The following APIP variants were observed in gnomAD, a reference collection of about 807,000 sequenced individuals.
APIP encodes the protein methylthioribulose-1-phosphate dehydratase.
APIP carries 32 observed loss-of-function variants against 32.0 expected under a neutral mutation model. That is an observed-to-expected ratio of 1.00 (90% confidence interval 0.76 to 1.34). The LOEUF is 1.34. Ranked by LOEUF, APIP falls within the 40% of genes most tolerant of loss-of-function variation. APIP has a pLI of 0.00. For missense variants in APIP, 247 were observed against 298.6 expected (o/e 0.83, Z 1.27); for synonymous variants, 92 against 94.8 (o/e 0.97, Z 0.17).
At chr11:34,893,991 A>G (rs1853224432) in intron 2 of APIP, among the ~76,000 whole-genome samples, 1 of 152,160 alleles carries the variant, frequency 6.6e-6, no homozygotes, top group Non-Finnish European at 1.5e-5. Flanking sequence ...TTAACACACA[A>G]CCTCCAGACA....
Position 34,911,852 on chromosome 11 carries a change from T to C in APIP, c.57+4376A>G, listed in dbSNP as rs78095482. ...CTCCCTCTATACTTGCAAAATACTT[T>C]GTCATCCCCTAATGGAACTTCATCC... On this transcript the variant is annotated intron_variant, in intron 1 of 6. Coordinates refer to ENST00000395787, the MANE Select transcript of APIP (RefSeq NM_015957.4). 3.1e-3 allele frequency among the ~76,000 whole-genome samples: 468 copies of C among 152,254 alleles called. 4 individuals carry two copies. The highest frequency in any genetic ancestry group is 0.011 in the African/African-American group (457 of 41,532).
intron 5 of APIP, among the ~76,000 whole-genome samples, chr11:34,886,043 A>C (rs1206519870): frequency 6.6e-6 from 1 of 151,542 alleles, no homozygotes; most frequent in Admixed American, 6.6e-5. Flanking sequence ...TTACTCTATA[A>C]TTTTAAAACA....
chr11:34,899,164 C>G (rs1193682356), intron 1 of APIP, among the ~76,000 whole-genome samples: 1 of 152,148 alleles, frequency 6.6e-6, no homozygotes, highest in African/African-American at 2.4e-5. Context: ...CCACTGAGCC[C>G]GGCCTCGAGC....
rs375311052 is a variant in APIP at position 34,882,676 on chromosome 11, G to T, written c.*41C>A. 79 of 1,371,226 alleles carry T rather than the reference G, an allele frequency of 5.8e-5. No homozygotes were observed. The Middle Eastern group carries it at 2.5e-3, about 44-fold the overall frequency. 84.9% of individuals were successfully genotyped at this position (1,371,226 alleles called of 1,614,324 possible). The stretch of plus-strand genomic sequence containing the variant: ...TAGCTTTCATTTAAATAATAATTAC[G>T]TTTAGCTTTATCTCTGTATATAATT... On this transcript the variant is annotated 3_prime_UTR_variant, in exon 7 of 7. Transcript: ENST00000395787.
At chr11:34,886,381 T>A (rs1249210249) in intron 5 of APIP, among the ~76,000 whole-genome samples, 1 of 151,932 alleles carries the variant, frequency 6.6e-6, no homozygotes, top group African/African-American at 2.4e-5. Context: ...AAAGAAAATA[T>A]TTTTGTATAG....
At chr11:34,899,273 G>C (rs914995018) in intron 1 of APIP, among the ~76,000 whole-genome samples, 1 of 151,970 alleles carries the variant, frequency 6.6e-6, no homozygotes, top group African/African-American at 2.4e-5. Context: ...GCTTCCTTTT[G>C]CACCACTAGA....
At chr11:34,882,998 T>C (rs1488575614) in intron 6 of APIP, among the ~76,000 whole-genome samples, 182 bp from the exon 7 acceptor site, 2 of 152,214 alleles carry the variant, frequency 1.3e-5, no homozygotes, top group East Asian at 3.9e-4. Context: ...AGGAATCATA[T>C]TAAGTCATGC....
chr11:34,916,310 C>A lies in APIP; in HGVS notation c.-26G>T, dbSNP rs1453737509. On this transcript the variant is annotated 5_prime_UTR_variant, in exon 1 of 7. In the 5' UTR this introduces an upstream ATG that the reference lacks. Transcript: ENST00000395787. ...GGCCCAGACCAGGGACCCGCGCGGC[C>A]TCCAATCTCCGCACGGCTTTGCGCG... is the stretch of plus-strand genomic sequence containing the variant. The A allele has an allele frequency of 1.9e-6, 3 of 1,610,110 alleles. No homozygotes were observed. In the Admixed American group the frequency reaches 5.0e-5, roughly 27 times the overall value.
At chr11:34,890,466 A>G (rs2303959) in intron 3 of APIP, 38 bp downstream of exon 3, 574,857 of 1,564,374 alleles carry the variant, frequency 0.37, 110,494 homozygotes, top group East Asian at 0.73. Context: ...GTAATTAAGA[A>G]GAAAAGACAC....
At chr11:34,899,330 A>G (rs1190823830) in intron 1 of APIP, among the ~76,000 whole-genome samples, 5 of 152,206 alleles carry the variant, frequency 3.3e-5, no homozygotes, top group African/African-American at 1.2e-4. Context: ...TCTGCTTTCA[A>G]CAGATAGGAG....
In APIP at chr11:34,894,995, C is replaced by T; in HGVS notation, c.158+15G>A. ...AATGGAGAGTTCCCAGTAATAAAGG[C>T]TGCCAGAAACTTACCCATGCTTCAA... On this transcript the variant is annotated intron_variant, in intron 2 of 6. Coordinates refer to ENST00000395787, the MANE Select transcript of APIP (RefSeq NM_015957.4). 6.2e-7 allele frequency: 1 copy of T among 1,604,114 alleles called. No homozygotes were observed. Among genetic ancestry groups the T allele is most frequent in the Non-Finnish European group, 8.5e-7 (1 of 1,170,906 alleles).
At chr11:34,885,193 C>T (rs986769842) in intron 5 of APIP, among the ~76,000 whole-genome samples, 11 of 146,006 alleles carry the variant, frequency 7.5e-5, no homozygotes, top group African/African-American at 1.0e-4. Context: ...TATATATATA[C>T]CTATATAACT....
chr11:34,893,042 C>T (rs1346643035), intron 2 of APIP, among the ~76,000 whole-genome samples: 2 of 152,016 alleles, frequency 1.3e-5, no homozygotes, highest in Non-Finnish European at 2.9e-5. Context: ...ACCTCCACAC[C>T]CATTAAGAAC....
chr11:34,910,012 A>T (rs1853521667), intron 1 of APIP, among the ~76,000 whole-genome samples: 1 of 152,170 alleles, frequency 6.6e-6, no homozygotes, highest in Non-Finnish European at 1.5e-5. Context: ...AGGCTTGACA[A>T]GAGAATAAAA....
In APIP at chr11:34,903,130, A is replaced by G. The variant is rs751253641; in HGVS notation, c.58-8020T>C. On this transcript the variant is annotated intron_variant, in intron 1 of 6. Transcript: ENST00000395787. ...TTAGAAGGTTCCAACATCCAATTAA[A>G]GACTTGTTCTCATCTAAATCCAGCC... 9.1e-4 allele frequency among the ~76,000 whole-genome samples: 138 copies of G among 152,252 alleles called. 1 individual carries two copies. The highest frequency in any genetic ancestry group is 3.1e-4 in the Non-Finnish European group (21 of 68,042).
chr11:34,902,488 G>A (rs1473164797), intron 1 of APIP, among the ~76,000 whole-genome samples: 5 of 151,554 alleles, frequency 3.3e-5, no homozygotes. Context: ...TCTAGGATTA[G>A]TACTGTCCAA....
chr11:34,899,710 G>C (rs972821525), intron 1 of APIP, among the ~76,000 whole-genome samples: 38 of 152,144 alleles, frequency 2.5e-4, no homozygotes, highest in Non-Finnish European at 4.4e-5. Context: ...AGTGCGACTA[G>C]GCCCAAAAGT....
At chr11:34,895,482 T>G (rs555092705) in intron 1 of APIP, among the ~76,000 whole-genome samples, 497 of 152,330 alleles carry the variant, frequency 3.3e-3, no homozygotes, top group African/African-American at 0.011. Flanking sequence ...ACAAAACACC[T>G]TATTTAACTA....
intron 1 of APIP, among the ~76,000 whole-genome samples, chr11:34,907,046 C>T (rs1356070652): frequency 1.3e-5 from 2 of 152,160 alleles, no homozygotes; most frequent in African/African-American, 2.4e-5. Flanking sequence ...TGTTGTTCCC[C>T]ACTTGATGTC....
Sources: gnomAD v4.1 joint callset for allele counts (sites outside exome capture counted in the v4.1 genomes callset) on GRCh38, gnomAD v4.1.1 for gene constraint, MANE v1.5 for transcripts, NCBI Gene and HGNC (gene_info 2026-07-23, HGNC 2026-07-21) for gene names.